VWC2L: variants seen among roughly 807,000 people sequenced by gnomAD.
The protein encoded by VWC2L is von Willebrand factor C domain-containing protein 2-like.
Under a neutral mutation model 21.6 loss-of-function variants are expected in VWC2L, and 10 were observed. The observed-to-expected ratio is 0.46, with a 90% CI of 0.29 to 0.78. The LOEUF is 0.78. VWC2L is among the 30% of genes least tolerant of loss of function. The pLI, the probability that VWC2L is intolerant of heterozygous loss-of-function variation, is 0.10. For synonymous variants in VWC2L, 96 were observed against 94.3 expected (o/e 1.02, Z -0.10); for missense variants, 209 against 277.1 (o/e 0.75, Z 1.74).
At chr2:214,451,303 C>T (rs1034637086) in intron 3 of VWC2L, among the ~76,000 whole-genome samples, 2 of 67,724 alleles carry the variant, frequency 3.0e-5, no homozygotes, top group African/African-American at 1.6e-4. Context: ...ATAAGTGGGT[C>T]GGTGTGGGGG....
At chr2:214,538,567 A>C (rs73074640) in intron 3 of VWC2L, among the ~76,000 whole-genome samples, 9,391 of 150,052 alleles carry the variant, frequency 0.063, 658 homozygotes, top group African/African-American at 0.18. Context: ...TAAGAATGCA[A>C]ACAGATTCTC....
At chr2:214,572,442 C>T (rs1256149084) in intron 3 of VWC2L, among the ~76,000 whole-genome samples, 1 of 152,174 alleles carries the variant, frequency 6.6e-6, no homozygotes, top group Non-Finnish European at 1.5e-5. Flanking sequence ...AAATCCTCTG[C>T]ATTAAAATAC....
At chr2:214,479,657 T>C (rs1009414590) in intron 3 of VWC2L, among the ~76,000 whole-genome samples, 2 of 152,082 alleles carry the variant, frequency 1.3e-5, no homozygotes, top group African/African-American at 4.8e-5. Context: ...ATATAAAAAT[T>C]AGCTGGGTAT....
chr2:214,556,209 G>A (rs888677765), intron 3 of VWC2L, among the ~76,000 whole-genome samples: 1 of 152,180 alleles, frequency 6.6e-6, no homozygotes, highest in Admixed American at 6.5e-5. Flanking sequence ...GCAATGAACC[G>A]AGACTGTGCC....
rs564437030 is a variant in VWC2L at position 214,575,901 on chromosome 2, C to CA, written c.*84dup. The CA allele has an allele frequency of 1.5e-4, 225 of 1,460,470 alleles. 2 individuals carry two copies. In the East Asian group the frequency reaches 4.6e-3, roughly 30 times the overall value. The allele number at this position is 1,460,470 out of a possible 1,614,324, so 90.5% of individuals were successfully genotyped here. A position where few individuals can be genotyped will look rare whatever the true frequency, so the allele number is the denominator to read the frequency against. On this transcript the variant is annotated 3_prime_UTR_variant, in exon 4 of 4. Transcript: ENST00000312504. Reference sequence around the variant, plus strand: ...TGCACATGTTTAACACAAAACAAAACAAACAAACTCCTGCCAGCTACAACA... The same window carrying CA: ...TGCACATGTTTAACACAAAACAAAACAAAACAAACTCCTGCCAGCTACAACA...
intron 3 of VWC2L, chr2:214,525,423 G>A (rs556652907): frequency 2.0e-5 from 3 of 152,266 alleles, no homozygotes; most frequent in Admixed American, 1.3e-4. Context: ...ACTGTTACCC[G>A]GGTGAGGAGG....
At chr2:214,415,591 CA>C in intron 2 of VWC2L, among the ~76,000 whole-genome samples, 1 of 152,216 alleles carries the variant, frequency 6.6e-6, no homozygotes, top group African/African-American at 2.4e-5. Context: ...TCTCTCACCA[CA>C]AGGGTCAAAT....
intron 3 of VWC2L, among the ~76,000 whole-genome samples, chr2:214,456,212 GTC>G (rs780850524): frequency 1.3e-5 from 2 of 151,662 alleles, no homozygotes; most frequent in African/African-American, 4.8e-5. Context: ...TTATTTTTTT[GTC>G]TCTTTGATAA....
At chr2:214,462,726 G>T (rs967215938) in intron 3 of VWC2L, among the ~76,000 whole-genome samples, 1 of 152,044 alleles carries the variant, frequency 6.6e-6, no homozygotes, top group Non-Finnish European at 1.5e-5. Context: ...CTTAAGGTAG[G>T]ATATAGAGTA....
rs1702322145 is a variant in VWC2L, at chr2:214,414,309, G to A, written c.116G>A (p.Ser39Asn). The A allele has an allele frequency of 3.7e-6, 6 of 1,613,768 alleles. No homozygotes were observed. Among genetic ancestry groups the A allele is most frequent in the African/African-American group, 1.3e-5 (1 of 74,898 alleles). The change falls in exon 2 of 4, where the codon AGT becomes AAT. Residue 39 changes from serine to asparagine, a missense_variant. Ser to Asn is a conservative substitution (Grantham distance 46, BLOSUM62 1). Transcript: ENST00000312504. ...GCTGATGAAGGTGACCAGATCTCCA[G>A]TAATGACAATCTGATCTTTGATGAC... ...YPADEGDQIS[S>N]NDNLIFDDYR...
rs570945640 is a variant in VWC2L at position 214,575,784 on chromosome 2, T to C, written c.633T>C (p.Cys211=). Residue 211 remains cysteine (C), a synonymous_variant, in exon 4 of 4, where the codon TGT becomes TGC. Transcript: ENST00000312504. ...HNGDWWKPAQ[C]SKRECQGKQT... is the part of the protein sequence containing the mutation. ...GGGACTGGTGGAAGCCTGCTCAGTG[T>C]TCGAAACGTGAATGCCAAGGCAAGC... 1.2e-6 allele frequency: 2 copies of C among 1,613,448 alleles called. No individual in the cohort carries two copies. The highest frequency in any genetic ancestry group is 2.7e-5 in the African/African-American group (2 of 75,020).
At chr2:214,546,848 T>A (rs1689714565) in intron 3 of VWC2L, among the ~76,000 whole-genome samples, 3 of 152,108 alleles carry the variant, frequency 2.0e-5, no homozygotes, top group South Asian at 2.1e-4. Flanking sequence ...CAAACTCAAG[T>A]GTCACAGAGG....
chr2:214,569,182 G>T (rs1038931187), intron 3 of VWC2L, among the ~76,000 whole-genome samples: 3 of 152,110 alleles, frequency 2.0e-5, no homozygotes, highest in African/African-American at 7.2e-5. Flanking sequence ...GGCCTGTGAG[G>T]GCTCTAGTCT....
rs1440502540 is a variant in VWC2L at position 214,537,790 on chromosome 2, T to C, written c.521-37882T>C. Among the ~76,000 whole-genome samples the C allele has an allele frequency of 2.0e-5, 3 of 152,078 alleles. No individual in the cohort carries two copies. In the East Asian group the frequency reaches 5.8e-4, roughly 29 times the overall value. ...AATATATTCAGGCCTTTTTTATTTG[T>C]TCATACTTTCAAATTATTCTGCATG... On this transcript the variant is annotated intron_variant, in intron 3 of 3. Transcript: ENST00000312504.
Position 214,578,898 on chromosome 2 carries a change from T to C in VWC2L, c.*3078T>C, listed in dbSNP as rs1423018647. The C allele has an allele frequency of 6.6e-6, 1 of 151,790 alleles. No homozygotes were observed. Among genetic ancestry groups the C allele is most frequent in the East Asian group, 1.9e-4 (1 of 5,194 alleles). The allele number at this position is 151,790 out of a possible 1,614,324, so 9.4% of individuals were successfully genotyped here. A position where few individuals can be genotyped will look rare whatever the true frequency, so the allele number is the denominator to read the frequency against. ...ACACTAAACTGTAAAAAGGGGATTCTAGCAACAATATTTGATGTGTAAAAG... is the reference window on the plus strand; with the variant it reads ...ACACTAAACTGTAAAAAGGGGATTCCAGCAACAATATTTGATGTGTAAAAG... On this transcript the variant is annotated 3_prime_UTR_variant, in exon 4 of 4. Transcript: ENST00000312504.
intron 3 of VWC2L, among the ~76,000 whole-genome samples, chr2:214,565,969 C>T (rs768444047): frequency 1.4e-4 from 22 of 152,088 alleles, no homozygotes; most frequent in Admixed American, 2.6e-4. Context: ...TCCTTTTACT[C>T]CTATCTCTTT....
At chr2:214,575,402 A>C (rs1362101781) in intron 3 of VWC2L, among the ~76,000 whole-genome samples, 2 of 152,178 alleles carry the variant, frequency 1.3e-5, no homozygotes, top group Non-Finnish European at 2.9e-5. Flanking sequence ...AGAAAACTGC[A>C]TGTACTCAGG....
chr2:214,437,393 C>T (rs1702693672), intron 3 of VWC2L, among the ~76,000 whole-genome samples: 1 of 151,958 alleles, frequency 6.6e-6, no homozygotes, highest in South Asian at 2.1e-4. Flanking sequence ...GAGGTTGAAC[C>T]AACTATAATA....
At chr2:214,453,792 C>T (rs146458680) in intron 3 of VWC2L, among the ~76,000 whole-genome samples, 3,219 of 149,650 alleles carry the variant, frequency 0.022, 60 homozygotes, top group Middle Eastern at 0.042. Flanking sequence ...ACAATCTCAT[C>T]TCACTACAAC....
Sources: allele counts gnomAD v4.1 joint callset (sites outside exome capture counted in the v4.1 genomes callset), GRCh38; gene constraint gnomAD v4.1.1; transcripts MANE v1.5; gene names NCBI Gene and HGNC (gene_info 2026-07-23, HGNC 2026-07-21).